The following NDE1 variants were observed in gnomAD, a reference collection of about 807,000 sequenced individuals.
The protein encoded by NDE1 is nudE neurodevelopment protein 1.
NDE1 carries 28 observed loss-of-function variants against 43.4 expected under a neutral mutation model. The observed-to-expected ratio is 0.65, with a 90% CI of 0.48 to 0.89. The LOEUF is 0.89. Ranked by LOEUF, NDE1 falls within the 40% of genes least tolerant of loss-of-function variation. The pLI is 0.00. For missense variants in NDE1, 441 were observed against 434.1 expected, an observed-to-expected ratio of 1.02 and a Z score of -0.14; for synonymous variants, 184 against 172.0, an observed-to-expected ratio of 1.07 and a Z score of -0.55.
At chr16:15,689,664 G>A (rs1184185325) in intron 5 of NDE1, among the ~76,000 whole-genome samples, 3 of 152,128 alleles carry the variant, frequency 2.0e-5, no homozygotes, top group Admixed American at 6.6e-5. Context: ...GAACAGCTGG[G>A]CGCAGTGGCT....
chr16:15,725,225 T>C lies in NDE1; in HGVS notation c.*974T>C, dbSNP rs1406541305. On this transcript the variant is annotated 3_prime_UTR_variant, in exon 9 of 9. Coordinates refer to ENST00000396354, the MANE Select transcript of NDE1 (RefSeq NM_017668.3). ...CACCTATGAGTTGGGACCCTGGCCC[T>C]AGACTCTGTGGTTCTAAGAACTTAT... The C allele has an allele frequency of 1.6e-6, 1 of 606,228 alleles. No homozygotes were observed. The highest frequency in any genetic ancestry group is 2.9e-6 in the Non-Finnish European group (1 of 344,562). The allele number at this position is 606,228 out of a possible 1,614,324, so 37.6% of individuals were successfully genotyped here.
intron 5 of NDE1, among the ~76,000 whole-genome samples, chr16:15,689,544 T>C (rs1199268330): frequency 6.6e-6 from 1 of 152,184 alleles, no homozygotes; most frequent in Non-Finnish European, 1.5e-5. Context: ...GAGTAAGTCA[T>C]ACACAGGACA....
intron 1 of NDE1, among the ~76,000 whole-genome samples, chr16:15,654,993 T>C (rs1200119393): frequency 1.3e-5 from 2 of 151,950 alleles, no homozygotes; most frequent in African/African-American, 4.8e-5. Flanking sequence ...AGTACTGCAA[T>C]AGAACTTTCT....
chr16:15,654,207 G>C (rs902651619), intron 1 of NDE1, among the ~76,000 whole-genome samples: 2 of 152,172 alleles, frequency 1.3e-5, no homozygotes, highest in Non-Finnish European at 2.9e-5. Context: ...GCACACAGAT[G>C]AAATAAATGC....
intron 3 of NDE1, among the ~76,000 whole-genome samples, chr16:15,669,300 T>C (rs1246129709): frequency 6.6e-6 from 1 of 151,830 alleles, no homozygotes; most frequent in Non-Finnish European, 1.5e-5. Flanking sequence ...TTCAAGTGAT[T>C]GTCCCGCCTC....
intron 8 of NDE1, among the ~76,000 whole-genome samples, chr16:15,707,959 CAAAAAAAA>C (rs59081092): frequency 1.6e-4 from 19 of 115,948 alleles, no homozygotes; most frequent in African/African-American, 5.7e-4. Context: ...GACTCCGTCT[CAAAAAAAA>C]AAAAAAAAAA....
At chr16:15,672,210 G>A (rs927377565) in intron 3 of NDE1, among the ~76,000 whole-genome samples, 2 of 151,978 alleles carry the variant, frequency 1.3e-5, no homozygotes, top group African/African-American at 2.4e-5. Flanking sequence ...CGAGGCGGGC[G>A]GATCATGAGG....
intron 8 of NDE1, chr16:15,718,103 A>G (rs1376704924): frequency 1.9e-5 from 14 of 729,562 alleles, no homozygotes; most frequent in Non-Finnish European, 2.9e-5. Context: ...CTGGAAAATG[A>G]GACACTGCAG....
intron 6 of NDE1, 83 bp from the exon 7 acceptor site, chr16:15,694,082 C>G: frequency 6.7e-7 from 1 of 1,498,226 alleles, no homozygotes; most frequent in Non-Finnish European, 9.2e-7. Flanking sequence ...CCCTCCTGTC[C>G]CGTGGTTTTG....
exon 1 of NDE1, chr16:15,643,604 GA>G (rs2036207175): frequency 3.4e-6 from 1 of 290,678 alleles, no homozygotes; most frequent in African/African-American, 2.4e-5. Flanking sequence ...CTCGTCACGT[GA>G]TGGTCCTACT....
chr16:15,654,623 A>G (rs568700060), intron 1 of NDE1, among the ~76,000 whole-genome samples: 3 of 146,024 alleles, frequency 2.1e-5, no homozygotes, highest in Non-Finnish European at 3.0e-5. Flanking sequence ...AAAACAAAAA[A>G]AAAAAAAACA....
intron 8 of NDE1, among the ~76,000 whole-genome samples, chr16:15,722,316 G>C (rs1373873442): frequency 6.6e-6 from 1 of 152,222 alleles, no homozygotes; most frequent in Non-Finnish European, 1.5e-5. Context: ...AGCCTCAGTA[G>C]GGAAATGGTA....
intron 8 of NDE1, chr16:15,717,512 A>G: frequency 1.4e-6 from 1 of 706,226 alleles, no homozygotes; most frequent in Non-Finnish European, 2.4e-6. Context: ...AGCTTCTTCC[A>G]GGCCGGGCGT....
rs772957793 is a variant in NDE1, at chr16:15,724,900, G to C, written c.*649G>C. ...GCAGGACACTCACCTGGGTGTCCTG[G>C]AGCTGGGAACTGAGGGACGCCACGT... On this transcript the variant is annotated 3_prime_UTR_variant, in exon 9 of 9. Coordinates refer to ENST00000396354, the MANE Select transcript of NDE1 (RefSeq NM_017668.3). 1.9e-6 allele frequency: 3 copies of C among 1,614,112 alleles called. No homozygotes were observed. The highest frequency in any genetic ancestry group is 8.5e-7 in the Non-Finnish European group (1 of 1,180,028).
At chr16:15,698,392 T>C (rs546999162) in intron 8 of NDE1, among the ~76,000 whole-genome samples, 3 of 152,100 alleles carry the variant, frequency 2.0e-5, no homozygotes, top group African/African-American at 7.2e-5. Flanking sequence ...AGCGAGACCT[T>C]GTCTCAGAAA....
At chr16:15,681,910 C>T (rs563111520) in intron 4 of NDE1, among the ~76,000 whole-genome samples, 1 of 152,242 alleles carries the variant, frequency 6.6e-6, no homozygotes, top group African/African-American at 2.4e-5. Flanking sequence ...GATGGGGTTT[C>T]ACCATGTTGG....
At chr16:15,717,400 C>CGTGCCTCTTCCTGAG (rs1433541178) in intron 8 of NDE1, 14 of 1,578,952 alleles carry the variant, frequency 8.9e-6, no homozygotes, top group Non-Finnish European at 1.2e-5. Context: ...CCCAAGAGAG[C>CGTGCCTCTTCCTGAG]GCACTGAGAC....
At chr16:15,702,580 C>G (rs1264941604) in intron 8 of NDE1, among the ~76,000 whole-genome samples, 1 of 81,208 alleles carries the variant, frequency 1.2e-5, no homozygotes, top group Non-Finnish European at 2.5e-5. Context: ...CAAAAAAACA[C>G]CTTTTTTTTA....
At chr16:15,650,559 G>T (rs1451607521) in intron 1 of NDE1, among the ~76,000 whole-genome samples, 1 of 152,210 alleles carries the variant, frequency 6.6e-6, no homozygotes, top group Non-Finnish European at 1.5e-5. Context: ...CCTCGCGCTG[G>T]CCCCTCGCCC....
Sources: allele counts gnomAD v4.1 joint callset (sites outside exome capture counted in the v4.1 genomes callset), GRCh38; gene constraint gnomAD v4.1.1; transcripts MANE v1.5; gene names NCBI Gene and HGNC (gene_info 2026-07-23, HGNC 2026-07-21).